The following EPHB1 variants were observed in gnomAD, a reference collection of about 807,000 sequenced individuals.
EPHB1 encodes the protein ephrin type-B receptor 1.
In EPHB1, 30 loss-of-function variants were observed where a neutral mutation model predicts 94.4. The ratio of observed to expected loss-of-function variants is 0.32; its 90% CI spans 0.24 to 0.43. The LOEUF is 0.43. EPHB1 is among the 20% of genes least tolerant of loss of function. The probability of loss-of-function intolerance (pLI) is 1.00; values close to 1 mark genes in which losing one functional copy is unlikely to be tolerated. For synonymous variants in EPHB1, 522 were observed against 489.1 expected (o/e 1.07, Z -0.89); for missense variants, 1,055 against 1,308.3 (o/e 0.81, Z 2.99).
intron 3 of EPHB1, among the ~76,000 whole-genome samples, chr3:134,962,806 C>T (rs913813694): frequency 2.0e-5 from 3 of 152,060 alleles, no homozygotes. Context: ...CCTCCTGCCC[C>T]CTCTTCATTT....
chr3:134,800,482 G>A (rs2035915277), intron 1 of EPHB1, among the ~76,000 whole-genome samples: 2 of 151,908 alleles, frequency 1.3e-5, no homozygotes, highest in African/African-American at 4.9e-5. Context: ...CCAGACTTCA[G>A]GTAGTATATT....
rs1290371252 is a variant in EPHB1, at chr3:134,994,754, T to G, written c.805+42702T>G. Among the ~76,000 whole-genome samples the G allele has an allele frequency of 2.6e-5, 4 of 152,238 alleles. No homozygotes were observed. In the East Asian group the frequency reaches 7.7e-4, roughly 29 times the overall value. On this transcript the variant is annotated intron_variant, in intron 3 of 15. Transcript: ENST00000398015. Reference sequence around the variant, plus strand: ...AGCTATATCTAAGCACTTTCTTTGTTACATTTTCATTGCATATTTTAATGT... The same window carrying G: ...AGCTATATCTAAGCACTTTCTTTGTGACATTTTCATTGCATATTTTAATGT...
In EPHB1 at chr3:134,951,745, G is replaced by C; in HGVS notation, c.498G>C (p.Gly166=). The part of the protein sequence containing the change: ...MKVNTEVRSF[G]PLTRNGFYLA... ...TAAACACAGAAGTCAGGAGCTTTGG[G>C]CCTCTTACTCGGAATGGTTTTTACC... Residue 166 remains glycine (G), a synonymous_variant, in exon 3 of 16, where the codon GGG becomes GGC. Coordinates refer to ENST00000398015, the MANE Select transcript of EPHB1 (RefSeq NM_004441.5). The surrounding 1 kb of genome is among the most constrained non-coding windows in gnomAD (Gnocchi z 4.5). 1 of 1,614,026 alleles carries C rather than the reference G, an allele frequency of 6.2e-7. No homozygotes were observed. The highest frequency in any genetic ancestry group is 8.5e-7 in the Non-Finnish European group (1 of 1,179,930).
At chr3:135,035,756 A>G (rs901931533) in intron 3 of EPHB1, among the ~76,000 whole-genome samples, 1 of 152,218 alleles carries the variant, frequency 6.6e-6, no homozygotes, top group African/African-American at 2.4e-5. Context: ...ATATACTTGC[A>G]TGATGCATTA....
chr3:135,190,903 C>CACCTCT (rs1942438751), intron 10 of EPHB1, among the ~76,000 whole-genome samples: 1 of 152,166 alleles, frequency 6.6e-6, no homozygotes. Context: ...GAGACTTGGT[C>CACCTCT]TGACCTCCAG....
At chr3:134,816,257 G>GTT (rs369724571) in intron 1 of EPHB1, among the ~76,000 whole-genome samples, 1 of 150,748 alleles carries the variant, frequency 6.6e-6, no homozygotes, top group East Asian at 2.0e-4. Context: ...TAATTTTTTT[G>GTT]TTTTTTTTGT....
intron 2 of EPHB1, among the ~76,000 whole-genome samples, chr3:134,938,674 C>G (rs2039058034): frequency 2.0e-5 from 3 of 152,288 alleles, no homozygotes; most frequent in African/African-American, 7.2e-5. Flanking sequence ...CAGAGAGAGG[C>G]TAAGTGTGTG....
chr3:134,879,960 AAAT>A (rs1337715726), intron 1 of EPHB1, among the ~76,000 whole-genome samples: 1 of 152,254 alleles, frequency 6.6e-6, no homozygotes, highest in East Asian at 1.9e-4. Flanking sequence ...CTTAAAGAAC[AAAT>A]AATAAAAACA....
intron 3 of EPHB1, among the ~76,000 whole-genome samples, chr3:135,099,475 T>C (rs1938949921): frequency 6.6e-6 from 1 of 152,146 alleles, no homozygotes; most frequent in Admixed American, 6.5e-5. Context: ...TGAGTCCCAG[T>C]GGAATGTCCT....
At chr3:135,076,086 G>A (rs1559820044) in intron 3 of EPHB1, among the ~76,000 whole-genome samples, 1 of 151,946 alleles carries the variant, frequency 6.6e-6, no homozygotes, top group Admixed American at 6.6e-5. Flanking sequence ...GACCTAAAAG[G>A]AAAAACAAAA....
chr3:135,131,997 G>A (rs1940435902), intron 4 of EPHB1, among the ~76,000 whole-genome samples: 1 of 152,216 alleles, frequency 6.6e-6, no homozygotes, highest in Admixed American at 6.5e-5. Context: ...TATCTTCCTG[G>A]TAGGGGTCTT....
Position 135,167,003 on chromosome 3 carries a change from C to G in EPHB1, c.1756C>G (p.Arg586Gly). The change falls in exon 9 of 16, where the codon CGA (arginine) becomes GGA (glycine). Residue 586 changes from arginine (R) to glycine (G), a missense_variant. Arg to Gly is a moderately radical substitution (Grantham distance 125). Transcript: ENST00000398015. Reference protein sequence around the residue: ...SDKLQHYSTGRGSPGMKIYID... With the variant: ...SDKLQHYSTGGGSPGMKIYID... ...TAAGCTCCAGCATTACAGCACAGGC[C>G]GAGGTAAGTAGAAAGCAGAGACCCG... is the stretch of plus-strand genomic sequence containing the variant. 6.2e-7 allele frequency: 1 copy of G among 1,614,022 alleles called. No individual in the cohort carries two copies. The highest frequency in any genetic ancestry group is 8.5e-7 in the Non-Finnish European group (1 of 1,179,968).
chr3:135,039,544 T>C (rs1351953524), intron 3 of EPHB1, among the ~76,000 whole-genome samples: 1 of 152,166 alleles, frequency 6.6e-6, no homozygotes, highest in Non-Finnish European at 1.5e-5. Context: ...GGCTCAGGCA[T>C]GGTGGGCTGC....
intron 3 of EPHB1, among the ~76,000 whole-genome samples, chr3:134,972,980 G>A (rs932124080): frequency 6.6e-6 from 1 of 152,192 alleles, no homozygotes; most frequent in South Asian, 2.1e-4. Flanking sequence ...GGCCTCAGCT[G>A]CCCATCTCTG....
chr3:134,834,464 C>T (rs1160535434), intron 1 of EPHB1, among the ~76,000 whole-genome samples: 1 of 152,182 alleles, frequency 6.6e-6, no homozygotes, highest in African/African-American at 2.4e-5. Context: ...GCTGTTTGGT[C>T]TTGTCTGCAG....
intron 12 of EPHB1, among the ~76,000 whole-genome samples, chr3:135,217,323 C>A (rs1302797360): frequency 6.6e-6 from 1 of 151,896 alleles, no homozygotes; most frequent in Non-Finnish European, 1.5e-5. Context: ...TATGCAGAGT[C>A]CTCATGGGTA....
At chr3:135,180,590 A>G (rs1220258411) in intron 10 of EPHB1, among the ~76,000 whole-genome samples, 1 of 152,182 alleles carries the variant, frequency 6.6e-6, no homozygotes, top group Non-Finnish European at 1.5e-5. Context: ...GCCCTCATCC[A>G]TCTTCCTGCA....
chr3:135,245,513 C>CAAAAAAAAAA (rs57521935), intron 13 of EPHB1, among the ~76,000 whole-genome samples: 1 of 124,046 alleles, frequency 8.1e-6, no homozygotes, highest in Non-Finnish European at 1.6e-5. Context: ...GAACAGTCTT[C>CAAAAAAAAAA]AAAAAAAAAA....
At chr3:135,021,581 T>G (rs1375254981) in intron 3 of EPHB1, among the ~76,000 whole-genome samples, 2 of 152,138 alleles carry the variant, frequency 1.3e-5, no homozygotes, top group Non-Finnish European at 2.9e-5. Context: ...CTTTGCAATT[T>G]CTATGTCTTT....
Sources: allele counts gnomAD v4.1 joint callset (sites outside exome capture counted in the v4.1 genomes callset), GRCh38; gene constraint gnomAD v4.1.1; non-coding constraint Gnocchi (gnomAD v3.1); transcripts MANE v1.5; gene names NCBI Gene and HGNC (gene_info 2026-07-23, HGNC 2026-07-21).